Variants in DMD observed in about 807,000 individuals in gnomAD.
DMD encodes mutant dystrophin.
Under a neutral mutation model 330.1 loss-of-function variants are expected in DMD, and 63 were observed. The ratio of observed to expected loss-of-function variants is 0.19; its 90% CI spans 0.16 to 0.24. DMD has a LOEUF of 0.24. DMD is among the 10% of genes least tolerant of loss of function. The pLI is 1.00. For missense variants in DMD, 3,344 were observed against 2,684.1 expected, an observed-to-expected ratio of 1.25 and a Z score of -5.43; for synonymous variants, 1,223 against 959.8, an observed-to-expected ratio of 1.27 and a Z score of -5.07.
intron 61 of DMD, among the ~76,000 whole-genome samples, chrX:31,343,215 T>G (rs2057865938): frequency 8.9e-6 from 1 of 111,807 alleles, no homozygotes; most frequent in African/African-American, 3.2e-5. Flanking sequence ...TAACTATAAA[T>G]TAGTATATAA....
chrX:32,677,488 C>G (rs917764350), intron 9 of DMD, among the ~76,000 whole-genome samples: 1 of 111,383 alleles, frequency 9.0e-6, no homozygotes, highest in Admixed American at 9.6e-5. Flanking sequence ...ACTATTCAAT[C>G]ATCTCATAAT....
At chrX:32,930,099 C>T (rs750849062) in intron 2 of DMD, among the ~76,000 whole-genome samples, 40 of 111,404 alleles carry the variant, frequency 3.6e-4, no homozygotes, top group Admixed American at 2.3e-3. Context: ...CTTAAACATG[C>T]TTAGAACACT....
At position 32,472,862 on chromosome X, in the gene DMD, T is replaced by C. The variant is rs193242795; in HGVS notation, c.2804-553A>G. On this transcript the variant is annotated intron_variant, in intron 21 of 78. Coordinates refer to ENST00000357033, the MANE Select transcript of DMD (RefSeq NM_004006.3). ...TCTAGTAATAACCCCATAAATATTA[T>C]CATTCTTAATTCTTATAATAAACCT... Among the ~76,000 whole-genome samples the C allele has an allele frequency of 2.9e-3, 321 of 111,341 alleles. 3 individuals carry two copies. The highest frequency in any genetic ancestry group is 5.0e-3 in the East Asian group (18 of 3,577).
chrX:31,365,155 T>C (rs5927012), intron 60 of DMD, among the ~76,000 whole-genome samples: 37,025 of 104,164 alleles, frequency 0.36, 5,392 homozygotes, highest in East Asian at 0.59. Context: ...CAATATACAC[T>C]AGTTTCGAGG....
intron 1 of DMD, among the ~76,000 whole-genome samples, chrX:33,163,560 A>C (rs12013516): frequency 9.6e-6 from 1 of 104,052 alleles, no homozygotes; most frequent in Non-Finnish European, 1.9e-5. Flanking sequence ...GTGTATATAT[A>C]TATATATATA....
intron 62 of DMD, among the ~76,000 whole-genome samples, chrX:31,267,105 G>GAGAAAGAAAGAAAGAAAGAAAGAAAGAA (rs72467955): frequency 5.7e-5 from 6 of 105,848 alleles, no homozygotes; most frequent in Non-Finnish European, 1.2e-4. Flanking sequence ...AAAAAGAAAA[G>GAGAAAGAAAGAAAGAAAGAAAGAAAGAA]AGAAAGAAAG....
intron 1 of DMD, among the ~76,000 whole-genome samples, chrX:33,153,876 T>G (rs1263610823): frequency 8.9e-6 from 1 of 112,185 alleles, no homozygotes; most frequent in Non-Finnish European, 1.9e-5. Context: ...CACAGACATC[T>G]TCAGTACTAA....
At chrX:31,449,113 GA>G (rs1454871032) in intron 59 of DMD, among the ~76,000 whole-genome samples, 3 of 111,707 alleles carry the variant, frequency 2.7e-5, no homozygotes, top group African/African-American at 9.8e-5. Context: ...GGAAAGACTA[GA>G]AAGAGTAAAT....
intron 44 of DMD, among the ~76,000 whole-genome samples, chrX:31,973,544 C>T (rs1358640806): frequency 3.6e-5 from 4 of 110,667 alleles, no homozygotes; most frequent in African/African-American, 1.3e-4. Context: ...CCTCTTCTCC[C>T]CACTGCCTTC....
At chrX:32,560,862 T>A (rs1221939225) in intron 16 of DMD, among the ~76,000 whole-genome samples, 4 of 112,160 alleles carry the variant, frequency 3.6e-5, no homozygotes, top group Non-Finnish European at 7.5e-5. Flanking sequence ...GGGTTGATTC[T>A]ATGTCTTTGC....
At chrX:32,533,691 T>C (rs1398398938) in intron 17 of DMD, among the ~76,000 whole-genome samples, 5 of 112,091 alleles carry the variant, frequency 4.5e-5, no homozygotes, top group Non-Finnish European at 7.5e-5. Context: ...GTTGAGTGAA[T>C]AGGAAAATTA....
chrX:31,760,887 A>T (rs2089526462), intron 51 of DMD, among the ~76,000 whole-genome samples: 1 of 109,936 alleles, frequency 9.1e-6, no homozygotes. Flanking sequence ...TACAAGCCCT[A>T]GGCTGTACAG....
At chrX:31,803,708 T>C (rs188802457) in intron 50 of DMD, among the ~76,000 whole-genome samples, 1 of 84,022 alleles carries the variant, frequency 1.2e-5, no homozygotes, top group African/African-American at 4.1e-5. Flanking sequence ...CTCTTTCTTT[T>C]TATTTTTTGA....
chrX:31,239,600 G>C lies in DMD; in HGVS notation c.9287-16479C>G, dbSNP rs775943357. On this transcript the variant is annotated intron_variant, in intron 63 of 78. Transcript: ENST00000357033. ...GTGGGACTTCAAGTCTACTCATTCA[G>C]CTTAAGGGCTCCCAATTGCTCCCAA... 6.3e-5 allele frequency among the ~76,000 whole-genome samples: 7 copies of C among 111,493 alleles called. No individual in the cohort carries two copies. In the South Asian group the frequency reaches 2.7e-3, roughly 43 times the overall value.
intron 44 of DMD, among the ~76,000 whole-genome samples, chrX:32,135,048 A>G (rs1215804110): frequency 8.9e-6 from 1 of 112,210 alleles, no homozygotes; most frequent in Non-Finnish European, 1.9e-5. Flanking sequence ...CAAAAAACAC[A>G]TATCTCTTCA....
At chrX:32,476,536 C>A (rs868840011) in intron 21 of DMD, among the ~76,000 whole-genome samples, 161 of 111,496 alleles carry the variant, frequency 1.4e-3, no homozygotes, top group African/African-American at 4.8e-3. Flanking sequence ...ATAAATATCA[C>A]AATTTCTTTT....
intron 1 of DMD, among the ~76,000 whole-genome samples, chrX:33,201,189 C>T (rs2148827862): frequency 9.0e-6 from 1 of 110,642 alleles, no homozygotes; most frequent in Admixed American, 9.6e-5. Flanking sequence ...CCTTGGCCTC[C>T]CAAAGTGTTG....
At chrX:31,891,166 A>C (rs1308482820) in intron 47 of DMD, among the ~76,000 whole-genome samples, 2 of 111,655 alleles carry the variant, frequency 1.8e-5, no homozygotes, top group Non-Finnish European at 3.8e-5. Context: ...TTTTGAACAC[A>C]ACATCGGGAA....
intron 9 of DMD, among the ~76,000 whole-genome samples, chrX:32,668,150 G>GAA (rs747294030): frequency 2.8e-4 from 29 of 102,103 alleles, no homozygotes; most frequent in African/African-American, 4.9e-4. Context: ...TCCATCTCGG[G>GAA]AAAAAAAAAA....
Sources: allele counts gnomAD v4.1 joint callset (sites outside exome capture counted in the v4.1 genomes callset), GRCh38; gene constraint gnomAD v4.1.1; transcripts MANE v1.5; gene names NCBI Gene and HGNC (gene_info 2026-07-23, HGNC 2026-07-21).